The following KCNMA1 variants were observed in gnomAD, a reference collection of about 807,000 sequenced individuals.
The protein encoded by KCNMA1 is potassium calcium-activated channel subfamily M alpha 1.
Under a neutral mutation model 140.0 loss-of-function variants are expected in KCNMA1, and 29 were observed. The observed-to-expected ratio is 0.21, with a 90% CI of 0.15 to 0.28. KCNMA1 has a LOEUF of 0.28. Ranked by LOEUF, KCNMA1 falls within the 10% of genes least tolerant of loss-of-function variation. The pLI, the probability that KCNMA1 is intolerant of heterozygous loss-of-function variation, is 1.00. For missense variants in KCNMA1, 880 were observed against 1,602.2 expected (o/e 0.55, Z 7.70); for synonymous variants, 612 against 611.9 (o/e 1.00, Z 0.00).
intron 6 of KCNMA1, among the ~76,000 whole-genome samples, chr10:77,115,271 G>A (rs141828157): frequency 3.5e-4 from 53 of 152,306 alleles, no homozygotes; most frequent in African/African-American, 1.2e-3. Context: ...TGGAAAAACA[G>A]CCAAAATGTC....
At chr10:77,318,034 A>T (rs1406346294) in intron 2 of KCNMA1, among the ~76,000 whole-genome samples, 1 of 152,174 alleles carries the variant, frequency 6.6e-6, no homozygotes, top group African/African-American at 2.4e-5. Flanking sequence ...TCTTGGGTAA[A>T]TGTTACTCAC....
chr10:77,516,753 A>T (rs1362711240), intron 1 of KCNMA1, among the ~76,000 whole-genome samples: 1 of 152,194 alleles, frequency 6.6e-6, no homozygotes, highest in Non-Finnish European at 1.5e-5. Flanking sequence ...GCTGCAAAGC[A>T]GGTGAAGGGC....
chr10:77,153,350 C>G (rs2098445997), intron 5 of KCNMA1, among the ~76,000 whole-genome samples: 1 of 152,138 alleles, frequency 6.6e-6, no homozygotes, highest in Admixed American at 6.6e-5. Flanking sequence ...CCCAAATCTT[C>G]TGATTTCATC....
intron 19 of KCNMA1, among the ~76,000 whole-genome samples, chr10:76,998,157 G>T (rs949147154): frequency 2.6e-5 from 4 of 152,156 alleles, no homozygotes; most frequent in Non-Finnish European, 5.9e-5. Flanking sequence ...ATAGAGGGGT[G>T]CACCGAGCAG....
chr10:77,588,451 C>A (rs1306839077), intron 1 of KCNMA1, among the ~76,000 whole-genome samples: 1 of 152,086 alleles, frequency 6.6e-6, no homozygotes. Flanking sequence ...CAGTCTGGGC[C>A]CTGATATTTT....
chr10:77,234,787 A>G (rs1488000228), intron 3 of KCNMA1, among the ~76,000 whole-genome samples: 1 of 152,214 alleles, frequency 6.6e-6, no homozygotes. Context: ...TCAAGTTCAC[A>G]TAGCTAACAA....
In KCNMA1 at chr10:77,073,151, A is replaced by G. The variant is rs1342230618; in HGVS notation, c.1695T>C (p.Ala565=). The change falls in exon 14 of 28, where the codon GCT becomes GCC. Residue 565 remains alanine (A), a synonymous_variant. Transcript: ENST00000286628. ...TGGCAAGCATGGTGGAGAGGCCTTG[A>G]GCCAGGCAGCTCTGGGCTATGAAGC... is the stretch of plus-strand genomic sequence containing the variant. ...KLGFIAQSCL[A]QGLSTMLANL... 1 of 1,614,174 alleles carries G rather than the reference A, an allele frequency of 6.2e-7. No individual in the cohort carries two copies. Among genetic ancestry groups the G allele is most frequent in the Non-Finnish European group, 8.5e-7 (1 of 1,179,996 alleles).
At chr10:77,579,262 A>G (rs925362481) in intron 1 of KCNMA1, among the ~76,000 whole-genome samples, 1 of 152,196 alleles carries the variant, frequency 6.6e-6, no homozygotes, top group African/African-American at 2.4e-5. Context: ...AAGGTTATCA[A>G]AGCAGGAGGG....
At chr10:76,945,139 C>A (rs1013907508) in intron 22 of KCNMA1, among the ~76,000 whole-genome samples, 174 bp from the exon 23 acceptor site, 1 of 152,118 alleles carries the variant, frequency 6.6e-6, no homozygotes, top group Non-Finnish European at 1.5e-5. Flanking sequence ...ATTAAGCTGG[C>A]CTAACTACAT....
chr10:77,503,774 A>G (rs979787004), intron 1 of KCNMA1, among the ~76,000 whole-genome samples: 1 of 152,232 alleles, frequency 6.6e-6, no homozygotes, highest in Non-Finnish European at 1.5e-5. Flanking sequence ...CAGGGGAGCC[A>G]GTGACTGGTA....
intron 14 of KCNMA1, among the ~76,000 whole-genome samples, chr10:77,059,769 G>A (rs186705771): frequency 6.6e-6 from 1 of 152,224 alleles, no homozygotes; most frequent in Admixed American, 6.5e-5. Flanking sequence ...AATGGTGAAA[G>A]AAATGAATGT....
chr10:77,305,899 G>A (rs1392515921), intron 2 of KCNMA1, among the ~76,000 whole-genome samples: 3 of 152,088 alleles, frequency 2.0e-5, no homozygotes, highest in Non-Finnish European at 2.9e-5. Context: ...ATGACATCAT[G>A]GGGATTCATA....
intron 2 of KCNMA1, among the ~76,000 whole-genome samples, chr10:77,402,392 C>A (rs1162379408): frequency 1.3e-5 from 2 of 152,192 alleles, no homozygotes; most frequent in African/African-American, 2.4e-5. Flanking sequence ...AGCCACTGAC[C>A]TCACCAGTTT....
chr10:77,545,881 A>C (rs999087299), intron 1 of KCNMA1, among the ~76,000 whole-genome samples: 87 of 152,246 alleles, frequency 5.7e-4, no homozygotes, highest in Middle Eastern at 3.4e-3. Flanking sequence ...CACTGACCCC[A>C]CTACCCTGTC....
chr10:77,250,738 T>A (rs1312797733), intron 3 of KCNMA1: 1 of 200,312 alleles, frequency 5.0e-6, no homozygotes, highest in African/African-American at 2.3e-5. Context: ...AAGGATAGCA[T>A]CATGCTTTCT....
intron 1 of KCNMA1, among the ~76,000 whole-genome samples, chr10:77,526,387 A>C (rs113609611): frequency 1.1e-3 from 169 of 152,364 alleles, no homozygotes; most frequent in African/African-American, 3.9e-3. Flanking sequence ...AACACTCAAC[A>C]CTAAAACTAC....
intron 2 of KCNMA1, among the ~76,000 whole-genome samples, chr10:77,297,657 T>C (rs2075526966): frequency 6.6e-6 from 1 of 152,162 alleles, no homozygotes; most frequent in Non-Finnish European, 1.5e-5. Context: ...ATAATTAATG[T>C]GACTACTCCC....
intron 16 of KCNMA1, chr10:77,019,535 C>T: frequency 4.7e-6 from 1 of 211,348 alleles, no homozygotes; most frequent in South Asian, 8.2e-5. Context: ...TAATGGGACC[C>T]CTATAGATAT....
chr10:76,961,689 G>A (rs2071507691), intron 20 of KCNMA1, among the ~76,000 whole-genome samples: 4 of 152,102 alleles, frequency 2.6e-5, no homozygotes, highest in African/African-American at 9.7e-5. Context: ...ACAATCTTCA[G>A]CTACCACCCC....
Sources: gnomAD v4.1 joint callset for allele counts (sites outside exome capture counted in the v4.1 genomes callset) on GRCh38, gnomAD v4.1.1 for gene constraint, MANE v1.5 for transcripts, NCBI Gene and HGNC (gene_info 2026-07-23, HGNC 2026-07-21) for gene names.